The following RAB3GAP1 variants were observed in gnomAD, a reference collection of about 807,000 sequenced individuals.
RAB3GAP1 encodes rab3 GTPase-activating protein catalytic subunit.
In RAB3GAP1, 86 loss-of-function variants were observed where a neutral mutation model predicts 130.7. The ratio of observed to expected loss-of-function variants is 0.66; its 90% CI spans 0.55 to 0.79. The LOEUF is 0.79. Ranked by LOEUF, RAB3GAP1 falls within the 30% of genes least tolerant of loss-of-function variation. The pLI, the probability that RAB3GAP1 is intolerant of heterozygous loss-of-function variation, is 0.00. For synonymous variants in RAB3GAP1, 367 were observed against 401.7 expected, an observed-to-expected ratio of 0.91 and a Z score of 1.03; for missense variants, 1,029 against 1,169.4, an observed-to-expected ratio of 0.88 and a Z score of 1.75.
chr2:135,076,203 C>T (rs552609058), intron 3 of RAB3GAP1, among the ~76,000 whole-genome samples: 4 of 152,152 alleles, frequency 2.6e-5, no homozygotes, highest in Non-Finnish European at 5.9e-5. Context: ...CCACCGTGCC[C>T]GGCCTTCTGT....
chr2:135,102,060 G>A (rs997634372), intron 5 of RAB3GAP1, among the ~76,000 whole-genome samples: 1 of 152,214 alleles, frequency 6.6e-6, no homozygotes, highest in Non-Finnish European at 1.5e-5. Context: ...AAGTTATGTG[G>A]CAAGAGGAAT....
At chr2:135,154,016 C>T (rs1261895787) in intron 19 of RAB3GAP1, 140 bp downstream of exon 19, 1 of 798,030 alleles carries the variant, frequency 1.3e-6, no homozygotes, top group Non-Finnish European at 2.1e-6. Flanking sequence ...TATATATCTA[C>T]TATTCACATT....
At chr2:135,081,370 G>A (rs1196971662) in intron 3 of RAB3GAP1, among the ~76,000 whole-genome samples, 44 of 87,088 alleles carry the variant, frequency 5.1e-4, no homozygotes, top group Admixed American at 2.1e-3. Context: ...ATACACACAC[G>A]TGTGTGTGTG....
At chr2:135,095,517 A>G (rs941338656) in intron 5 of RAB3GAP1, among the ~76,000 whole-genome samples, 7 of 152,218 alleles carry the variant, frequency 4.6e-5, no homozygotes, top group South Asian at 2.1e-4. Flanking sequence ...AATGAACTCA[A>G]TATGTTGGAT....
intron 17 of RAB3GAP1, among the ~76,000 whole-genome samples, chr2:135,148,491 CT>C (rs571757000): frequency 0.31 from 33,984 of 108,084 alleles, 5,142 homozygotes; most frequent in Middle Eastern, 0.73. Context: ...GCTAGTAATT[CT>C]TTTTTTTTTT....
intron 7 of RAB3GAP1, among the ~76,000 whole-genome samples, chr2:135,120,481 G>T (rs1436266492): frequency 6.6e-6 from 1 of 152,122 alleles, no homozygotes; most frequent in Non-Finnish European, 1.5e-5. Context: ...TCTCACAATT[G>T]CCACTGCTGT....
At chr2:135,161,988 T>C (rs938562953) in intron 19 of RAB3GAP1, among the ~76,000 whole-genome samples, 12 of 152,158 alleles carry the variant, frequency 7.9e-5, no homozygotes, top group African/African-American at 2.9e-4. Flanking sequence ...TACATATTTA[T>C]AGGGTTATAC....
chr2:135,126,284 A>C (rs1370220353), intron 10 of RAB3GAP1, 35 bp downstream of exon 10: 1 of 1,468,384 alleles, frequency 6.8e-7, no homozygotes. Flanking sequence ...CACTGAGATT[A>C]AAAAACTTCA....
intron 7 of RAB3GAP1, among the ~76,000 whole-genome samples, chr2:135,116,139 C>T (rs1025568314): frequency 6.6e-6 from 1 of 152,164 alleles, no homozygotes; most frequent in East Asian, 1.9e-4. Flanking sequence ...CTCACTATCT[C>T]ACAGTTGATT....
At chr2:135,127,801 T>G (rs900319173) in intron 11 of RAB3GAP1, among the ~76,000 whole-genome samples, 1 of 152,178 alleles carries the variant, frequency 6.6e-6, no homozygotes, top group Non-Finnish European at 1.5e-5. Flanking sequence ...TGGAAGTACT[T>G]TGAAAAATAT....
intron 3 of RAB3GAP1, among the ~76,000 whole-genome samples, chr2:135,068,224 CAA>C (rs1403046480): frequency 1.3e-5 from 2 of 152,222 alleles, no homozygotes; most frequent in East Asian, 3.9e-4. Flanking sequence ...TGAAAAAGCT[CAA>C]GTTTAATTCT....
chr2:135,063,154 A>G (rs142217787), intron 3 of RAB3GAP1, among the ~76,000 whole-genome samples: 42 of 152,348 alleles, frequency 2.8e-4, no homozygotes, highest in African/African-American at 7.0e-4. Flanking sequence ...ATAGGTGTCC[A>G]TAAGACTGAG....
chr2:135,064,761 T>TG (rs1689269870), intron 3 of RAB3GAP1, among the ~76,000 whole-genome samples: 1 of 150,992 alleles, frequency 6.6e-6, no homozygotes, highest in South Asian at 2.1e-4. Context: ...TTTTGTTTTT[T>TG]TTTTTTTTTG....
At chr2:135,149,543 A>AT (rs1307178459) in intron 17 of RAB3GAP1, among the ~76,000 whole-genome samples, 1 of 152,212 alleles carries the variant, frequency 6.6e-6, no homozygotes, top group Non-Finnish European at 1.5e-5. Context: ...TCAACCCTAA[A>AT]TCTCAGTGTG....
intron 5 of RAB3GAP1, among the ~76,000 whole-genome samples, chr2:135,112,863 C>CACAT (rs964446047): frequency 2.0e-5 from 3 of 150,508 alleles, no homozygotes; most frequent in Admixed American, 6.6e-5. Flanking sequence ...CACACACACA[C>CACAT]ACACAGATGG....
At chr2:135,114,001 C>T (rs62170184) in intron 6 of RAB3GAP1, among the ~76,000 whole-genome samples, 6,384 of 152,250 alleles carry the variant, frequency 0.042, 160 homozygotes, top group African/African-American at 0.055. Flanking sequence ...CCGCCCGCCG[C>T]GGCCTTCCAG....
At chr2:135,096,236 A>G (rs1439037541) in intron 5 of RAB3GAP1, among the ~76,000 whole-genome samples, 1 of 152,220 alleles carries the variant, frequency 6.6e-6, no homozygotes, top group African/African-American at 2.4e-5. Context: ...AAGGAAGTTT[A>G]CATACTGGTT....
intron 3 of RAB3GAP1, among the ~76,000 whole-genome samples, chr2:135,071,280 C>T (rs1444142448): frequency 6.6e-6 from 1 of 152,198 alleles, no homozygotes; most frequent in Admixed American, 6.5e-5. Flanking sequence ...TCTCTACCCC[C>T]CTAACTTCAT....
rs146575990 is a variant in RAB3GAP1 at position 135,133,996 on chromosome 2, A to G, written c.1462A>G (p.Met488Val). ...CCTCTGGCAGGAATTTGTTCTTGAA[A>G]TGCGTTTCCGATGGGAAAACAACTT... ...AHLWQEFVLE[M>V]RFRWENNFLI... Residue 488 changes from methionine (M) to valine (V), a missense_variant, in exon 15 of 24, where the codon ATG becomes GTG. Met to Val is a conservative substitution (Grantham distance 21, BLOSUM62 1). Coordinates refer to ENST00000264158, the MANE Select transcript of RAB3GAP1 (RefSeq NM_012233.3). The G allele has an allele frequency of 3.1e-6, 5 of 1,613,964 alleles. No homozygotes were observed. The highest frequency in any genetic ancestry group is 4.2e-6 in the Non-Finnish European group (5 of 1,179,846).
Sources: allele counts gnomAD v4.1 joint callset (sites outside exome capture counted in the v4.1 genomes callset), GRCh38; gene constraint gnomAD v4.1.1; transcripts MANE v1.5; gene names NCBI Gene and HGNC (gene_info 2026-07-23, HGNC 2026-07-21).